The following IPPK variants were observed in gnomAD, a reference collection of about 807,000 sequenced individuals.
IPPK encodes IPK1 homolog.
IPPK carries 22 observed loss-of-function variants against 64.6 expected under a neutral mutation model. The ratio of observed to expected loss-of-function variants is 0.34; its 90% CI spans 0.24 to 0.49. The LOEUF is 0.49. IPPK is among the 20% of genes least tolerant of loss of function. The pLI is 0.99. For missense variants in IPPK, 532 were observed against 630.7 expected (o/e 0.84, Z 1.68); for synonymous variants, 262 against 247.2 (o/e 1.06, Z -0.56).
intron 1 of IPPK, among the ~76,000 whole-genome samples, chr9:92,666,839 C>A (rs562336664): frequency 3.9e-5 from 6 of 152,254 alleles, no homozygotes; most frequent in African/African-American, 7.2e-5. Context: ...CTGGGCACAA[C>A]CTCCCACCCT....
chr9:92,619,996 C>T (rs1198947623), intron 11 of IPPK: 3 of 188,836 alleles, frequency 1.6e-5, no homozygotes, highest in Non-Finnish European at 3.4e-5. Context: ...CAAGGCATCG[C>T]TTAGAACGAC....
At chr9:92,644,443 C>T (rs760661513) in intron 6 of IPPK, among the ~76,000 whole-genome samples, 1 of 152,164 alleles carries the variant, frequency 6.6e-6, no homozygotes, top group Non-Finnish European at 1.5e-5. Flanking sequence ...ATCTCCAAAG[C>T]CTCGTTCTCA....
At chr9:92,644,857 C>T (rs753542364) in intron 6 of IPPK, among the ~76,000 whole-genome samples, 5 of 152,188 alleles carry the variant, frequency 3.3e-5, no homozygotes, top group Non-Finnish European at 5.9e-5. Context: ...TTCAACCTAT[C>T]ATCACAAAAC....
intron 8 of IPPK, among the ~76,000 whole-genome samples, chr9:92,639,054 T>A (rs544136552): frequency 7.2e-4 from 110 of 152,186 alleles, no homozygotes; most frequent in Admixed American, 6.1e-3. Context: ...TAAAAAAAAA[T>A]TTTAATGTTT....
At chr9:92,632,365 C>T (rs1851861242) in intron 11 of IPPK, among the ~76,000 whole-genome samples, 1 of 152,204 alleles carries the variant, frequency 6.6e-6, no homozygotes, top group South Asian at 2.1e-4. Flanking sequence ...TCTGCACCTC[C>T]ATTTGGTGTT....
intron 4 of IPPK, among the ~76,000 whole-genome samples, chr9:92,652,108 G>T (rs1052750123): frequency 6.6e-6 from 1 of 151,988 alleles, no homozygotes. Context: ...TTGTATCCAT[G>T]AGCTCCCAGG....
In IPPK at chr9:92,660,781, T is replaced by A. The variant is rs140551016; in HGVS notation, c.82-2100A>T. ...AAAGGCGGGAACAACTGGTCTTTTC[T>A]GTTTATTTATAAATGGAAATTATAA... On this transcript the variant is annotated intron_variant, in intron 1 of 12. Coordinates refer to ENST00000287996, the MANE Select transcript of IPPK (RefSeq NM_022755.6). Among the ~76,000 whole-genome samples the A allele has an allele frequency of 2.0e-5, 3 of 152,400 alleles. No individual in the cohort carries two copies. In the East Asian group the frequency reaches 5.8e-4, roughly 29 times the overall value.
rs58003734 is a variant in IPPK, at chr9:92,621,507, CTTTTTTT to C, written c.1171-1949_1171-1943del. On this transcript the variant is annotated intron_variant, in intron 11 of 12. Transcript: ENST00000287996. ...ATTTAAGTCAGAAATAATACCATTC[CTTTTTTT>C]TTTTTTTTTTTTTTTTTGAGACAGG... Among the ~76,000 whole-genome samples the C allele has an allele frequency of 1.1e-4, 10 of 87,814 alleles. No homozygotes were observed. In the East Asian group the frequency reaches 1.2e-3, roughly 10 times the overall value. The allele number at this position is 87,814 out of a possible 152,430, so 57.6% of individuals were successfully genotyped here.
intron 11 of IPPK, among the ~76,000 whole-genome samples, chr9:92,624,641 C>G (rs1249367550): frequency 1.3e-5 from 2 of 151,880 alleles, no homozygotes; most frequent in Non-Finnish European, 2.9e-5. Context: ...CTCAAAAAAA[C>G]AAAAATAAAA....
intron 4 of IPPK, among the ~76,000 whole-genome samples, chr9:92,652,147 G>A (rs1355485731): frequency 6.6e-6 from 1 of 151,806 alleles, no homozygotes; most frequent in Non-Finnish European, 1.5e-5. Context: ...GAAGTTTCTG[G>A]CAAAAGAATT....
At position 92,649,442 on chromosome 9, in the gene IPPK, C is replaced by T. The variant is rs777502896; in HGVS notation, c.414+11G>A. Reference sequence around the variant, plus strand: ...CCCTTTACCCACACCATCTGCCCCTCGACAGGTCACCTTAATCTCTACACA... The same window carrying T: ...CCCTTTACCCACACCATCTGCCCCTTGACAGGTCACCTTAATCTCTACACA... On this transcript the variant is annotated intron_variant, in intron 5 of 12. Coordinates refer to ENST00000287996, the MANE Select transcript of IPPK (RefSeq NM_022755.6). 7 of 1,613,746 alleles carry T rather than the reference C, an allele frequency of 4.3e-6. No homozygotes were observed. Among genetic ancestry groups the T allele is most frequent in the East Asian group, 4.5e-5 (2 of 44,880 alleles).
In IPPK at chr9:92,629,480, G is replaced by A. The variant is rs972537883; in HGVS notation, c.1170+4906C>T. Among the ~76,000 whole-genome samples, 19 of 152,048 alleles carry A rather than the reference G, an allele frequency of 1.2e-4. 1 individual carries two copies. In the Middle Eastern group the frequency reaches 0.014, roughly 110 times the overall value. On this transcript the variant is annotated intron_variant, in intron 11 of 12. Transcript: ENST00000287996. The stretch of plus-strand genomic sequence containing the variant: ...AAAGTAGGCAAAGGGGGCTGGGCAC[G>A]GTGGCTCACACCTGTAATCCCAGCA...
intron 4 of IPPK, among the ~76,000 whole-genome samples, chr9:92,650,180 G>C (rs1852235237): frequency 6.6e-6 from 1 of 150,876 alleles, no homozygotes; most frequent in Non-Finnish European, 1.5e-5. Context: ...AAAATTAGCT[G>C]GGCGTGGTGG....
intron 4 of IPPK, 55 bp downstream of exon 4, chr9:92,652,518 T>G: frequency 1.0e-6 from 1 of 985,600 alleles, no homozygotes; most frequent in Admixed American, 2.3e-5. Context: ...TTCAAACACT[T>G]TTCAAATGGA....
chr9:92,626,755 A>C (rs962064940), intron 11 of IPPK, among the ~76,000 whole-genome samples: 2 of 152,180 alleles, frequency 1.3e-5, no homozygotes, highest in African/African-American at 4.8e-5. Context: ...AGCACACCCA[A>C]ATCACATTGC....
chr9:92,642,486 A>T (rs993727564), intron 7 of IPPK, among the ~76,000 whole-genome samples: 5 of 152,390 alleles, frequency 3.3e-5, no homozygotes, highest in Middle Eastern at 3.4e-3. Flanking sequence ...GATTTCTGAC[A>T]TAAGTAGAAG....
At chr9:92,659,284 T>C (rs566586061) in intron 1 of IPPK, among the ~76,000 whole-genome samples, 26 of 152,314 alleles carry the variant, frequency 1.7e-4, no homozygotes, top group African/African-American at 6.3e-4. Context: ...GGTCAGAGGA[T>C]TATGGGTCCA....
At chr9:92,664,847 G>C (rs1852561752) in intron 1 of IPPK, among the ~76,000 whole-genome samples, 1 of 152,180 alleles carries the variant, frequency 6.6e-6, no homozygotes. Flanking sequence ...GAAGTCACTG[G>C]GGAGCTTTGC....
chr9:92,635,441 C>T lies in IPPK; in HGVS notation c.917-133G>A. 1.1e-6 allele frequency: 1 copy of T among 905,472 alleles called. No homozygotes were observed. Among genetic ancestry groups the T allele is most frequent in the African/African-American group, 1.7e-5 (1 of 59,392 alleles). The allele number at this position is 905,472 out of a possible 1,614,324, so 56.1% of individuals were successfully genotyped here. A position where few individuals can be genotyped will look rare whatever the true frequency, so the allele number is the denominator to read the frequency against. ...GGCATCACCACAGGCAAGGACTGCA[C>T]CCTGGACTGGCACTAAGGACAGACG... On this transcript the variant is annotated intron_variant, in intron 9 of 12. Coordinates refer to ENST00000287996, the MANE Select transcript of IPPK (RefSeq NM_022755.6). The surrounding 1 kb of genome is among the most constrained non-coding windows in gnomAD (Gnocchi z 4.4).
Sources: allele counts gnomAD v4.1 joint callset (sites outside exome capture counted in the v4.1 genomes callset), GRCh38; gene constraint gnomAD v4.1.1; non-coding constraint Gnocchi (gnomAD v3.1); transcripts MANE v1.5; gene names NCBI Gene and HGNC (gene_info 2026-07-23, HGNC 2026-07-21).